CEP89: variants seen among roughly 807,000 people sequenced by gnomAD.
CEP89 encodes centrosomal protein 89.
In CEP89, 95 loss-of-function variants were observed where a neutral mutation model predicts 97.6. The ratio of observed to expected loss-of-function variants is 0.97; its 90% CI spans 0.82 to 1.15. The LOEUF (loss-of-function observed/expected upper bound fraction) is 1.15, where lower values mean the gene tolerates loss of function less well. Among genes scored for constraint, CEP89 ranks in the 50% most tolerant of loss-of-function variants. CEP89 has a pLI of 0.00. For missense variants in CEP89, 869 were observed against 947.7 expected, an observed-to-expected ratio of 0.92 and a Z score of 1.09; for synonymous variants, 354 against 349.1, an observed-to-expected ratio of 1.01 and a Z score of -0.16.
At chr19:32,948,420 T>A (rs1970843605) in intron 4 of CEP89, 52 bp from the exon 5 acceptor site, 1 of 1,098,364 alleles carries the variant, frequency 9.1e-7, no homozygotes, top group African/African-American at 1.6e-5. Flanking sequence ...GTAACCTTTA[T>A]ATACAGCATG....
At chr19:32,890,634 A>G in intron 16 of CEP89, among the ~76,000 whole-genome samples, 1 of 151,964 alleles carries the variant, frequency 6.6e-6, no homozygotes, top group East Asian at 1.9e-4. Flanking sequence ...CTTGGTCGGG[A>G]GCCTGGAGAG....
intron 14 of CEP89, among the ~76,000 whole-genome samples, chr19:32,910,218 G>A (rs1969968901): frequency 1.3e-5 from 2 of 151,244 alleles, no homozygotes; most frequent in Admixed American, 1.3e-4. Context: ...CTGAGATCGT[G>A]CCACTGCACT....
intron 15 of CEP89, 93 bp downstream of exon 15, chr19:32,901,152 C>A (rs1969760070): frequency 1.6e-6 from 2 of 1,236,622 alleles, no homozygotes; most frequent in African/African-American, 1.5e-5. Context: ...TCCCAAAGTG[C>A]TGGGATTACA....
chr19:32,884,406 A>T (rs1350181931), intron 17 of CEP89, among the ~76,000 whole-genome samples: 1 of 152,188 alleles, frequency 6.6e-6, no homozygotes, highest in African/African-American at 2.4e-5. Context: ...TGTTTTCCCT[A>T]ATAGGTGAAT....
chr19:32,933,399 T>C, intron 8 of CEP89, 52 bp downstream of exon 8: 1 of 1,205,604 alleles, frequency 8.3e-7, no homozygotes, highest in Non-Finnish European at 1.2e-6. Context: ...CTCAAAATAA[T>C]TGAGTGAAGT....
chr19:32,882,022 G>T lies in CEP89; in HGVS notation c.1966-9C>A, dbSNP rs1599704582. 1 of 1,557,380 alleles carries T rather than the reference G, an allele frequency of 6.4e-7. No individual in the cohort carries two copies. The highest frequency in any genetic ancestry group is 1.2e-5 in the South Asian group (1 of 84,782). The stretch of plus-strand genomic sequence containing the variant: ...GCCTGCTTCTTGTAGCCCTGGTCGG[G>T]GGAAGGACTCTGTGAATGAGGGGAC... On this transcript the variant is annotated splice_polypyrimidine_tract_variant and intron_variant, in intron 17 of 18. Transcript: ENST00000305768.
At chr19:32,958,269 A>C (rs1221878970) in intron 3 of CEP89, among the ~76,000 whole-genome samples, 2 of 152,206 alleles carry the variant, frequency 1.3e-5, no homozygotes, top group Non-Finnish European at 2.9e-5. Context: ...AAATACATTA[A>C]GTATTTATAT....
chr19:32,915,213 C>G, intron 14 of CEP89, 124 bp downstream of exon 14: 1 of 889,102 alleles, frequency 1.1e-6, no homozygotes, highest in Non-Finnish European at 1.6e-6. Context: ...AATCCCAAAA[C>G]TTTGAGAGGC....
At chr19:32,965,216 T>G (rs772929284) in intron 2 of CEP89, among the ~76,000 whole-genome samples, 1 of 152,056 alleles carries the variant, frequency 6.6e-6, no homozygotes, top group Admixed American at 6.5e-5. Flanking sequence ...TTGGGCAACA[T>G]AGTGAGACCT....
At chr19:32,944,404 G>A (rs1010248164) in intron 5 of CEP89, among the ~76,000 whole-genome samples, 13 of 152,030 alleles carry the variant, frequency 8.6e-5, no homozygotes, top group African/African-American at 2.9e-4. Context: ...GATGACGGGT[G>A]GATGCCCAGG....
At chr19:32,934,470 C>T (rs1000150179) in intron 7 of CEP89, among the ~76,000 whole-genome samples, 1 of 152,190 alleles carries the variant, frequency 6.6e-6, no homozygotes, top group Non-Finnish European at 1.5e-5. Flanking sequence ...GGAGGTGAGG[C>T]TCCCATGGGC....
At chr19:32,913,172 AATT>A (rs1401818741) in intron 14 of CEP89, among the ~76,000 whole-genome samples, 1 of 148,858 alleles carries the variant, frequency 6.7e-6, no homozygotes, top group East Asian at 1.9e-4. Context: ...TACACATATT[AATT>A]ATGTATGTTT....
chr19:32,950,701 C>T (rs530972008), intron 4 of CEP89, among the ~76,000 whole-genome samples: 1 of 152,280 alleles, frequency 6.6e-6, no homozygotes, highest in South Asian at 2.1e-4. Context: ...CAGAAATACA[C>T]AAATATGTAC....
chr19:32,938,795 C>T (rs1487986452), intron 6 of CEP89, among the ~76,000 whole-genome samples: 1 of 152,004 alleles, frequency 6.6e-6, no homozygotes, highest in Non-Finnish European at 1.5e-5. Flanking sequence ...ATTAAAAATA[C>T]AAAAATTAGC....
intron 16 of CEP89, among the ~76,000 whole-genome samples, chr19:32,898,016 T>A (rs1396507196): frequency 6.6e-6 from 1 of 152,170 alleles, no homozygotes; most frequent in African/African-American, 2.4e-5. Flanking sequence ...GATCCAGCAA[T>A]CCAACTGCTG....
intron 16 of CEP89, 87 bp from the exon 17 acceptor site, chr19:32,887,928 C>A: frequency 2.6e-6 from 2 of 767,236 alleles, no homozygotes; most frequent in Non-Finnish European, 4.4e-6. Flanking sequence ...GTTACTGCTA[C>A]TGCTCACAAT....
chr19:32,948,468 C>T, intron 4 of CEP89, 100 bp from the exon 5 acceptor site: 1 of 647,700 alleles, frequency 1.5e-6, no homozygotes, highest in Non-Finnish European at 2.6e-6. Context: ...AAACCTTCCC[C>T]ACTGGGAGCT....
At chr19:32,961,371 C>T (rs746102693) in intron 2 of CEP89, among the ~76,000 whole-genome samples, 1 of 151,056 alleles carries the variant, frequency 6.6e-6, no homozygotes, top group East Asian at 2.0e-4. Context: ...GAGATGGAGA[C>T]CATCCTGGCC....
chr19:32,887,213 T>G (rs1671884107), intron 17 of CEP89, among the ~76,000 whole-genome samples: 2 of 151,496 alleles, frequency 1.3e-5, no homozygotes, highest in African/African-American at 2.4e-5. Flanking sequence ...TGTTTTGTTT[T>G]GTTTTGGTTT....
Sources: allele counts gnomAD v4.1 joint callset (sites outside exome capture counted in the v4.1 genomes callset), GRCh38; gene constraint gnomAD v4.1.1; transcripts MANE v1.5; gene names NCBI Gene and HGNC (gene_info 2026-07-23, HGNC 2026-07-21).